PRKD1: variants seen among roughly 807,000 people sequenced by gnomAD.
The protein encoded by PRKD1 is protein kinase D1.
A neutral mutation model predicts 95.9 loss-of-function variants in PRKD1; 63 were observed. That is an observed-to-expected ratio of 0.66 (90% CI 0.54 to 0.81). The LOEUF is 0.81. Among genes scored for constraint, PRKD1 ranks in the 30% least tolerant of loss-of-function variants. The probability of loss-of-function intolerance (pLI) is 0.00; values close to 1 mark genes in which losing one functional copy is unlikely to be tolerated. For missense variants in PRKD1, 1,048 were observed against 1,165.3 expected, an observed-to-expected ratio of 0.90 and a Z score of 1.47; for synonymous variants, 425 against 423.1, an observed-to-expected ratio of 1.00 and a Z score of -0.05.
At chr14:29,765,819 C>T (rs1888231165) in intron 1 of PRKD1, among the ~76,000 whole-genome samples, 1 of 151,864 alleles carries the variant, frequency 6.6e-6, no homozygotes, top group Non-Finnish European at 1.5e-5. Context: ...AAAACAAGAC[C>T]AAACAATATT....
At chr14:29,855,473 C>T (rs1566638649) in intron 1 of PRKD1, among the ~76,000 whole-genome samples, 1 of 152,038 alleles carries the variant, frequency 6.6e-6, no homozygotes, top group Non-Finnish European at 1.5e-5. Flanking sequence ...TTACCCAGTG[C>T]CTTTTACAGG....
At chr14:29,894,682 A>G (rs1894058986) in intron 1 of PRKD1, among the ~76,000 whole-genome samples, 1 of 152,192 alleles carries the variant, frequency 6.6e-6, no homozygotes, top group Admixed American at 6.5e-5. Context: ...TTTTAGATAT[A>G]TTTTGAAAAC....
intron 1 of PRKD1, among the ~76,000 whole-genome samples, chr14:29,843,717 T>C (rs1171475329): frequency 6.6e-6 from 1 of 152,192 alleles, no homozygotes; most frequent in Non-Finnish European, 1.5e-5. Context: ...CTACCTACAA[T>C]GGAGTTTCCA....
intron 2 of PRKD1, among the ~76,000 whole-genome samples, chr14:29,700,542 A>C (rs1421024868): frequency 6.6e-6 from 1 of 152,196 alleles, no homozygotes; most frequent in East Asian, 1.9e-4. Context: ...CTGGAGGACT[A>C]ATTAAATTCA....
chr14:29,819,301 G>A (rs1180167870), intron 1 of PRKD1, among the ~76,000 whole-genome samples: 1 of 147,490 alleles, frequency 6.8e-6, no homozygotes, highest in Non-Finnish European at 1.5e-5. Context: ...ACATACTGGT[G>A]TGGAGAGGTG....
At chr14:29,644,588 GAA>G (rs376892898) in intron 4 of PRKD1, among the ~76,000 whole-genome samples, 5,588 of 144,596 alleles carry the variant, frequency 0.039, 314 homozygotes, top group African/African-American at 0.13. Flanking sequence ...GTCAGCAACT[GAA>G]AAAAAAAAAA....
intron 15 of PRKD1, among the ~76,000 whole-genome samples, chr14:29,598,556 C>A (rs181766882): frequency 1.3e-5 from 2 of 152,258 alleles, no homozygotes; most frequent in East Asian, 3.9e-4. Context: ...TGCACTGGCA[C>A]ATATATAGGC....
rs11626603 is a variant in PRKD1 at position 29,725,693 on chromosome 14, T to A, written c.265-19A>T. 1 of 1,609,188 alleles carries A rather than the reference T, an allele frequency of 6.2e-7. No homozygotes were observed. Among genetic ancestry groups the A allele is most frequent in the Non-Finnish European group, 8.5e-7 (1 of 1,177,400 alleles). On this transcript the variant is annotated intron_variant, in intron 1 of 17. Transcript: ENST00000331968. ...CAGGGAACTGCAAATACAAATACCA[T>A]GAGAGTGTAAATGTCAAAATCCTTC...
intron 1 of PRKD1, among the ~76,000 whole-genome samples, chr14:29,901,734 T>C (rs1192939491): frequency 6.6e-6 from 1 of 152,122 alleles, no homozygotes; most frequent in Non-Finnish European, 1.5e-5. Flanking sequence ...TCAATAATAT[T>C]ACCTTCTTTT....
At position 29,882,371 on chromosome 14, in the gene PRKD1, G is replaced by A. The variant is rs143530847; in HGVS notation, c.264+44878C>T. Among the ~76,000 whole-genome samples the A allele has an allele frequency of 6.4e-3, 981 of 152,190 alleles. 39 individuals are homozygous for A. Among genetic ancestry groups the A allele is most frequent in the Admixed American group, 0.059 (896 of 15,282 alleles). On this transcript the variant is annotated intron_variant, in intron 1 of 17. Transcript: ENST00000331968. ...GTGAATTCGTTATCATGTATTATAC[G>A]ATGATTATGTTAAAGGCCCAAAGAC...
intron 6 of PRKD1, among the ~76,000 whole-genome samples, chr14:29,636,774 C>T (rs1433787747): frequency 1.3e-5 from 2 of 151,998 alleles, no homozygotes; most frequent in Non-Finnish European, 2.9e-5. Context: ...ATCCTCCCAC[C>T]CTCCAACCTT....
intron 4 of PRKD1, among the ~76,000 whole-genome samples, chr14:29,659,276 C>T (rs932792149): frequency 9.9e-5 from 15 of 152,268 alleles, no homozygotes; most frequent in African/African-American, 3.1e-4. Context: ...TGACTTATTT[C>T]TTTAAATATC....
intron 4 of PRKD1, among the ~76,000 whole-genome samples, chr14:29,642,047 G>A (rs1336281873): frequency 6.6e-6 from 1 of 151,754 alleles, no homozygotes; most frequent in Non-Finnish European, 1.5e-5. Flanking sequence ...GGGATTATAG[G>A]CATGTGCCAC....
At chr14:29,925,326 T>C (rs985444565) in intron 1 of PRKD1, among the ~76,000 whole-genome samples, 1 of 152,220 alleles carries the variant, frequency 6.6e-6, no homozygotes, top group East Asian at 1.9e-4. Context: ...AAAACCTCCA[T>C]ACAGCAAATC....
At chr14:29,860,480 G>C (rs1892670539) in intron 1 of PRKD1, among the ~76,000 whole-genome samples, 1 of 151,618 alleles carries the variant, frequency 6.6e-6, no homozygotes, top group African/African-American at 2.4e-5. Context: ...CAGAGTTGCT[G>C]CAATCAACCC....
At chr14:29,685,152 A>C (rs1207231519) in intron 2 of PRKD1, among the ~76,000 whole-genome samples, 1 of 152,188 alleles carries the variant, frequency 6.6e-6, no homozygotes, top group Non-Finnish European at 1.5e-5. Flanking sequence ...TTCAAAGTGC[A>C]AAGAGTGGTC....
chr14:29,777,699 AC>A (rs1453087657), intron 1 of PRKD1, among the ~76,000 whole-genome samples: 1 of 152,164 alleles, frequency 6.6e-6, no homozygotes, highest in African/African-American at 2.4e-5. Context: ...ATAATGGGAG[AC>A]TTTACCACCC....
At chr14:29,785,240 T>C (rs1441998169) in intron 1 of PRKD1, among the ~76,000 whole-genome samples, 1 of 152,212 alleles carries the variant, frequency 6.6e-6, no homozygotes, top group Non-Finnish European at 1.5e-5. Context: ...TAAAGACCTC[T>C]TTTCTACTAC....
intron 4 of PRKD1, among the ~76,000 whole-genome samples, chr14:29,654,883 A>G (rs910908264): frequency 2.0e-5 from 3 of 152,256 alleles, no homozygotes; most frequent in Admixed American, 6.5e-5. Flanking sequence ...AGTTTCTTCC[A>G]AGACATTTAT....
Sources: gnomAD v4.1 joint callset for allele counts (sites outside exome capture counted in the v4.1 genomes callset) on GRCh38, gnomAD v4.1.1 for gene constraint, MANE v1.5 for transcripts, NCBI Gene and HGNC (gene_info 2026-07-23, HGNC 2026-07-21) for gene names.